LMOD1: variants seen among roughly 807,000 people sequenced by gnomAD.
LMOD1 encodes leiomodin-1.
LMOD1 carries 8 observed loss-of-function variants against 36.5 expected under a neutral mutation model. The ratio of observed to expected loss-of-function variants is 0.22; its 90% CI spans 0.13 to 0.40. The LOEUF (loss-of-function observed/expected upper bound fraction) is 0.40, where lower values mean the gene tolerates loss of function less well. Among genes scored for constraint, LMOD1 ranks in the 10% least tolerant of loss-of-function variants. The pLI, the probability that LMOD1 is intolerant of heterozygous loss-of-function variation, is 1.00. For synonymous variants in LMOD1, 284 were observed against 288.7 expected (o/e 0.98, Z 0.17); for missense variants, 630 against 751.1 (o/e 0.84, Z 1.88).
chr1:201,909,695 T>A (rs1681462225), intron 1 of LMOD1, among the ~76,000 whole-genome samples: 1 of 152,234 alleles, frequency 6.6e-6, no homozygotes, highest in Non-Finnish European at 1.5e-5. Flanking sequence ...TTCTCCAGCA[T>A]AACAGTAGCT....
At chr1:201,930,611 G>C (rs1416773204) in intron 1 of LMOD1, among the ~76,000 whole-genome samples, 3 of 152,166 alleles carry the variant, frequency 2.0e-5, no homozygotes, top group Non-Finnish European at 2.9e-5. Flanking sequence ...TGAGACACTT[G>C]AGGTGTCCAA....
In LMOD1 at chr1:201,946,084, A is replaced by G. The variant is rs1408530974; in HGVS notation, c.257T>C (p.Met86Thr). 10 of 1,613,566 alleles carry G rather than the reference A, an allele frequency of 6.2e-6. No homozygotes were observed. The highest frequency in any genetic ancestry group is 8.5e-6 in the Non-Finnish European group (10 of 1,179,672). The change falls in exon 1 of 3, where the codon ATG becomes ACG. Residue 86 changes from methionine (M) to threonine (T), a missense_variant. Around this residue, in one of 3 missense-constraint regions of LMOD1, gnomAD observed 405 missense variants for 400.6 expected, o/e 1.01. Coordinates refer to ENST00000367288, the MANE Select transcript of LMOD1 (RefSeq NM_012134.3). Reference protein sequence around the residue: ...TKKLMQREMSMDESKQVETKT... With the variant: ...TKKLMQREMSTDESKQVETKT... ...TCCAGGGCTGTGCTCACTCACATCC[A>G]TGGACATCTCCCTCTGCATAAGTTT... is the stretch of plus-strand genomic sequence containing the variant.
In LMOD1 at chr1:201,899,789, G is replaced by A; in HGVS notation, c.1224C>T (p.Phe408=). 1 of 1,614,078 alleles carries A rather than the reference G, an allele frequency of 6.2e-7. No homozygotes were observed. Among genetic ancestry groups the A allele is most frequent in the Non-Finnish European group, 8.5e-7 (1 of 1,179,910 alleles). The change falls in exon 2 of 3, where the codon TTC becomes TTT. Residue 408 remains phenylalanine (F), a synonymous_variant. Transcript: ENST00000367288. This position sits in a 1 kb window ranked among gnomAD's most constrained non-coding sequence, Gnocchi z 6.3. The stretch of plus-strand genomic sequence containing the variant: ...GCGTGTTGTTCTGGAGGAGGGCCCG[G>A]AAGATGGCCAGGATGCCTTTGCCTG... ...HITGKGILAI[F]RALLQNNTLT...
rs1423359954 is a variant in LMOD1 at position 201,924,661 on chromosome 1, AAAAAAAAG to A, written c.261+21411_261+21418del. 8.8e-3 allele frequency among the ~76,000 whole-genome samples: 1,210 copies of A among 136,818 alleles called. 30 individuals are homozygous for A. Among genetic ancestry groups the A allele is most frequent in the African/African-American group, 0.032 (1,133 of 35,554 alleles). 89.8% of individuals were successfully genotyped at this position (136,818 alleles called of 152,430 possible). A position where few individuals can be genotyped will look rare whatever the true frequency, so the allele number is the denominator to read the frequency against. ...TAAAGAAAGAAAGAGAGAAAGAAAG[AAAAAAAAG>A]AAAGAAAGAAAGAAAGAAAGAAAGA... On this transcript the variant is annotated intron_variant, in intron 1 of 2. Transcript: ENST00000367288.
At chr1:201,916,764 C>T (rs1681619225) in intron 1 of LMOD1, among the ~76,000 whole-genome samples, 3 of 152,154 alleles carry the variant, frequency 2.0e-5, no homozygotes, top group Non-Finnish European at 4.4e-5. Flanking sequence ...GCAGCCTGAC[C>T]TTCGCCTGGC....
At chr1:201,920,354 C>G (rs1272338830) in intron 1 of LMOD1, among the ~76,000 whole-genome samples, 1 of 152,016 alleles carries the variant, frequency 6.6e-6, no homozygotes, top group Non-Finnish European at 1.5e-5. Context: ...GGATTACTAC[C>G]CCAGTAAAAT....
At chr1:201,920,170 C>G (rs1202522747) in intron 1 of LMOD1, among the ~76,000 whole-genome samples, 1 of 149,436 alleles carries the variant, frequency 6.7e-6, no homozygotes, top group African/African-American at 2.5e-5. Flanking sequence ...AGTGATTCTC[C>G]TGCCTCAGCC....
At chr1:201,902,113 A>G (rs923183578) in intron 1 of LMOD1, among the ~76,000 whole-genome samples, 1 of 151,812 alleles carries the variant, frequency 6.6e-6, no homozygotes, top group Non-Finnish European at 1.5e-5. Flanking sequence ...TTAAAATTCT[A>G]TCTACCATCA....
intron 1 of LMOD1, among the ~76,000 whole-genome samples, chr1:201,925,247 C>T (rs1681808347): frequency 6.6e-6 from 1 of 152,046 alleles, no homozygotes; most frequent in Non-Finnish European, 1.5e-5. Flanking sequence ...TCTTCCTTGG[C>T]CACCAGCTGG....
At chr1:201,939,678 T>C (rs551969981) in intron 1 of LMOD1, among the ~76,000 whole-genome samples, 2 of 152,328 alleles carry the variant, frequency 1.3e-5, no homozygotes, top group African/African-American at 4.8e-5. Context: ...TTCCTGTTTA[T>C]CCAACTTGGC....
chr1:201,943,807 G>T (rs957724352), intron 1 of LMOD1, among the ~76,000 whole-genome samples: 1 of 152,196 alleles, frequency 6.6e-6, no homozygotes, highest in Non-Finnish European at 1.5e-5. Context: ...TGTGAGATGG[G>T]TACTACTATC....
At chr1:201,935,155 G>A (rs1273205963) in intron 1 of LMOD1, among the ~76,000 whole-genome samples, 2 of 152,182 alleles carry the variant, frequency 1.3e-5, no homozygotes, top group Non-Finnish European at 2.9e-5. Context: ...CAGACTGTAG[G>A]AGGGCAAGAG....
intron 1 of LMOD1, among the ~76,000 whole-genome samples, chr1:201,902,352 C>G (rs1349287832): frequency 6.6e-6 from 1 of 150,386 alleles, no homozygotes; most frequent in Non-Finnish European, 1.5e-5. Context: ...GATTCTATGA[C>G]TCAATTTTGA....
chr1:201,925,032 A>T (rs1681804336), intron 1 of LMOD1, among the ~76,000 whole-genome samples: 1 of 152,224 alleles, frequency 6.6e-6, no homozygotes, highest in South Asian at 2.1e-4. Flanking sequence ...CATGGCCGAC[A>T]TAGTGAAACG....
At chr1:201,907,582 CTGCCTGGAGG>C (rs1681431746) in intron 1 of LMOD1, among the ~76,000 whole-genome samples, 1 of 152,190 alleles carries the variant, frequency 6.6e-6, no homozygotes, top group African/African-American at 2.4e-5. Context: ...CCCTGGAGAC[CTGCCTGGAGG>C]GCTACAAGCT....
intron 1 of LMOD1, among the ~76,000 whole-genome samples, chr1:201,939,637 T>C (rs1682080621): frequency 6.6e-6 from 1 of 152,156 alleles, no homozygotes; most frequent in Non-Finnish European, 1.5e-5. Flanking sequence ...GGGCCTGATC[T>C]GGAAAGGCCT....
chr1:201,915,303 C>G (rs1681587465), intron 1 of LMOD1, among the ~76,000 whole-genome samples: 1 of 152,078 alleles, frequency 6.6e-6, no homozygotes, highest in Non-Finnish European at 1.5e-5. Context: ...ACCTTTAGAG[C>G]CTCTCACCGG....
chr1:201,908,179 C>A (rs776292717), intron 1 of LMOD1, among the ~76,000 whole-genome samples: 1 of 152,176 alleles, frequency 6.6e-6, no homozygotes, highest in South Asian at 2.1e-4. Context: ...TGCCAGCAAC[C>A]CTCTTTTTTG....
chr1:201,912,261 G>T (rs140918394), intron 1 of LMOD1, among the ~76,000 whole-genome samples: 2 of 152,042 alleles, frequency 1.3e-5, no homozygotes, highest in African/African-American at 2.4e-5. Flanking sequence ...TTGTCCCTTC[G>T]CACAGGCATT....
Sources: gnomAD v4.1 joint callset for allele counts (sites outside exome capture counted in the v4.1 genomes callset) on GRCh38, gnomAD v4.1.1 for gene constraint, gnomAD v4.1.1 regional missense constraint, Gnocchi (gnomAD v3.1) non-coding constraint, MANE v1.5 for transcripts, NCBI Gene and HGNC (gene_info 2026-07-23, HGNC 2026-07-21) for gene names.